The following KY variants were observed in gnomAD, a reference collection of about 807,000 sequenced individuals.
KY encodes the protein kyphoscoliosis peptidase.
KY carries 43 observed loss-of-function variants against 76.1 expected under a neutral mutation model. The observed-to-expected ratio is 0.57, with a 90% CI of 0.44 to 0.73. The LOEUF (loss-of-function observed/expected upper bound fraction) is 0.73. Ranked by LOEUF, KY falls within the 30% of genes least tolerant of loss-of-function variation. The pLI, the probability that KY is intolerant of heterozygous loss-of-function variation, is 0.00. For synonymous variants in KY, 277 were observed against 326.2 expected (o/e 0.85, Z 1.63); for missense variants, 722 against 828.9 (o/e 0.87, Z 1.58).
At position 134,619,157 on chromosome 3, in the gene KY, C is replaced by T; in HGVS notation, c.701G>A (p.Arg234Lys). Residue 234 changes from arginine to lysine, a missense_variant, in exon 8 of 11, where the codon AGA becomes AAA. Physicochemically the swap from Arg to Lys is conservative, Grantham distance 26. This residue lies in a region of KY where 552 missense variants were observed against 680.9 expected (regional missense o/e 0.81). Transcript: ENST00000423778. ...NCDGYAGLFE[R>K]MCRLAGVQCM... is the part of the protein sequence containing the mutation. ...CTCCTGTCTCTCGTACCTGCACATT[C>T]TCTCGAAGAGGCCAGCATAGCCATC... 1 of 1,613,724 alleles carries T rather than the reference C, an allele frequency of 6.2e-7. No homozygotes were observed. Among genetic ancestry groups the T allele is most frequent in the Non-Finnish European group, 8.5e-7 (1 of 1,179,738 alleles).
rs1959032451 is a variant in KY at position 134,602,915 on chromosome 3, A to G, written c.*664T>C. Among the ~76,000 whole-genome samples, 3 of 152,202 alleles carry G rather than the reference A, an allele frequency of 2.0e-5. No homozygotes were observed. Among genetic ancestry groups the G allele is most frequent in the African/African-American group, 4.8e-5 (2 of 41,448 alleles). ...CTTTCTGGTTGTCACATTCCTGACT[A>G]TACTTAGGGATGTTGGAGACGATCA... On this transcript the variant is annotated 3_prime_UTR_variant, in exon 11 of 11. Transcript: ENST00000423778.
chr3:134,609,908 A>T (rs953871704), intron 9 of KY, among the ~76,000 whole-genome samples: 16 of 152,182 alleles, frequency 1.1e-4, no homozygotes, highest in African/African-American at 3.9e-4. Flanking sequence ...ACCTTTCCTC[A>T]TGTGTGGTCT....
intron 9 of KY, among the ~76,000 whole-genome samples, chr3:134,609,628 G>C (rs1003253103): frequency 1.3e-5 from 2 of 152,168 alleles, no homozygotes; most frequent in African/African-American, 4.8e-5. Context: ...CAGAGCCCCA[G>C]AGGACAGAAA....
At chr3:134,633,701 T>C (rs1964538415) in intron 3 of KY, among the ~76,000 whole-genome samples, 2 of 152,150 alleles carry the variant, frequency 1.3e-5, no homozygotes, top group South Asian at 4.1e-4. Context: ...GAACAAGTCA[T>C]AGATATCCAC....
At chr3:134,630,396 A>T (rs1378473046) in intron 3 of KY, among the ~76,000 whole-genome samples, 1 of 134,314 alleles carries the variant, frequency 7.4e-6, no homozygotes, top group Non-Finnish European at 1.7e-5. Flanking sequence ...GAGGGCAAAT[A>T]TTTACTGTTT....
chr3:134,629,509 C>T, intron 4 of KY, 112 bp downstream of exon 4: 1 of 767,236 alleles, frequency 1.3e-6, no homozygotes, highest in Non-Finnish European at 2.2e-6. Flanking sequence ...TTTGCAGGCC[C>T]ATGTCACTCT....
At chr3:134,613,392 C>T (rs901861118) in intron 8 of KY, among the ~76,000 whole-genome samples, 4 of 152,154 alleles carry the variant, frequency 2.6e-5, no homozygotes, top group African/African-American at 9.7e-5. Context: ...GCAGCGAGAG[C>T]CTGCCCCAGC....
At position 134,626,871 on chromosome 3, in the gene KY, C is replaced by A. The variant is rs535966166; in HGVS notation, c.400+885G>T. Among the ~76,000 whole-genome samples, 3 of 152,304 alleles carry A rather than the reference C, an allele frequency of 2.0e-5. No homozygotes were observed. The South Asian group carries it at 6.2e-4, about 32-fold the overall frequency. On this transcript the variant is annotated intron_variant, in intron 5 of 10. Transcript: ENST00000423778. ...GATACTCAGGCAGGCCCCTGCTGAGCCTTGCCTCTTTTCAGTGCCCTCTTG... is the reference window on the plus strand; with the variant it reads ...GATACTCAGGCAGGCCCCTGCTGAGACTTGCCTCTTTTCAGTGCCCTCTTG...
intron 3 of KY, among the ~76,000 whole-genome samples, chr3:134,638,555 G>A (rs1421129332): frequency 1.3e-5 from 2 of 152,166 alleles, no homozygotes; most frequent in African/African-American, 2.4e-5. Context: ...AGCTTTGACC[G>A]TCTTAGTTAA....
chr3:134,622,484 A>G (rs140156071), intron 6 of KY, among the ~76,000 whole-genome samples: 1 of 152,334 alleles, frequency 6.6e-6, no homozygotes, highest in Non-Finnish European at 1.5e-5. Flanking sequence ...ATACTGTATG[A>G]TTCCACTTAT....
intron 8 of KY, among the ~76,000 whole-genome samples, chr3:134,613,761 T>G (rs528853338): frequency 9.8e-5 from 15 of 152,352 alleles, no homozygotes; most frequent in African/African-American, 3.6e-4. Flanking sequence ...ACAAAGAAGG[T>G]CATAATGTAA....
At position 134,627,657 on chromosome 3, in the gene KY, G is replaced by T. The variant is rs1336015762; in HGVS notation, c.400+99C>A. 8 of 1,070,340 alleles carry T rather than the reference G, an allele frequency of 7.5e-6. No homozygotes were observed. In the African/African-American group the frequency reaches 1.1e-4, roughly 15 times the overall value. The allele number at this position is 1,070,340 out of a possible 1,614,324, so 66.3% of individuals were successfully genotyped here. A position where few individuals can be genotyped will look rare whatever the true frequency, so the allele number is the denominator to read the frequency against. ...ACCCAAAGGTGGCCCCAGCCTCTCA[G>T]CATAGTGGCCCAGGAAGCAACTGTC... On this transcript the variant is annotated intron_variant, in intron 5 of 10. Transcript: ENST00000423778.
chr3:134,632,618 G>T (rs892228260), intron 3 of KY, among the ~76,000 whole-genome samples: 3 of 151,756 alleles, frequency 2.0e-5, no homozygotes, highest in Non-Finnish European at 2.9e-5. Context: ...TGCTTCAAGG[G>T]GAAATTTGTA....
chr3:134,620,666 C>A (rs943395553), intron 7 of KY, 83 bp downstream of exon 7: 4 of 958,662 alleles, frequency 4.2e-6, no homozygotes, highest in African/African-American at 1.6e-5. Flanking sequence ...ACTCTGCACA[C>A]GTGAATAAGC....
intron 6 of KY, among the ~76,000 whole-genome samples, chr3:134,621,400 A>G (rs933348851): frequency 6.6e-5 from 10 of 152,268 alleles, no homozygotes; most frequent in Admixed American, 1.3e-4. Context: ...CTGAGAGTCC[A>G]GAAATGGACC....
rs1297571455 is a variant in KY, at chr3:134,601,373, T to C, written c.*2206A>G. Among the ~76,000 whole-genome samples, 4 of 152,162 alleles carry C rather than the reference T, an allele frequency of 2.6e-5. No homozygotes were observed. Among genetic ancestry groups the C allele is most frequent in the East Asian group, 1.9e-4 (1 of 5,184 alleles). On this transcript the variant is annotated 3_prime_UTR_variant, in exon 11 of 11. Coordinates refer to ENST00000423778, the MANE Select transcript of KY (RefSeq NM_178554.6). ...ATTCTCTGCAATGCTCCAGGATGTA[T>C]TGATTAATTATATTGCATATCGAAA...
intron 2 of KY, among the ~76,000 whole-genome samples, chr3:134,644,645 C>T (rs1038185162): frequency 6.6e-6 from 1 of 152,220 alleles, no homozygotes; most frequent in African/African-American, 2.4e-5. Context: ...AACAAGTATG[C>T]CTCTGGGGCA....
At position 134,608,210 on chromosome 3, in the gene KY, A is replaced by C. The variant is rs886274824; in HGVS notation, c.1090+439T>G. On this transcript the variant is annotated intron_variant, in intron 10 of 10. Transcript: ENST00000423778. ...GGGGAAGAGAACACAGCAGGCCAGTAGCTTCTGTTGGGGACCTGAGCCCAG... is the reference window on the plus strand; with the variant it reads ...GGGGAAGAGAACACAGCAGGCCAGTCGCTTCTGTTGGGGACCTGAGCCCAG... The C allele has an allele frequency of 4.5e-5, 53 of 1,184,334 alleles. No homozygotes were observed. In the Middle Eastern group the frequency reaches 1.6e-3, roughly 35 times the overall value. 73.4% of individuals were successfully genotyped at this position (1,184,334 alleles called of 1,614,324 possible).
Position 134,602,572 on chromosome 3 carries a change from G to C in KY, c.*1007C>G, listed in dbSNP as rs75741546. Among the ~76,000 whole-genome samples, 1 of 152,142 alleles carries C rather than the reference G, an allele frequency of 6.6e-6. No individual in the cohort carries two copies. Among genetic ancestry groups the C allele is most frequent in the South Asian group, 2.1e-4 (1 of 4,832 alleles). ...GCCCTGTTAAAGTGTGAGTCTCCTC[G>C]GCATTGCCGCACTGCACTACTCACC... On this transcript the variant is annotated 3_prime_UTR_variant, in exon 11 of 11. Coordinates refer to ENST00000423778, the MANE Select transcript of KY (RefSeq NM_178554.6).
Sources: allele counts gnomAD v4.1 joint callset (sites outside exome capture counted in the v4.1 genomes callset), GRCh38; gene constraint gnomAD v4.1.1; regional missense constraint gnomAD v4.1.1; transcripts MANE v1.5; gene names NCBI Gene and HGNC (gene_info 2026-07-23, HGNC 2026-07-21).